Variants in DSCAM observed in about 807,000 individuals in gnomAD.
DSCAM encodes DS cell adhesion molecule, also known as cell adhesion molecule DSCAM.
A neutral mutation model predicts 217.7 loss-of-function variants in DSCAM; 47 were observed. The ratio of observed to expected loss-of-function variants is 0.22; its 90% CI spans 0.17 to 0.28. DSCAM has a LOEUF of 0.28. Among genes scored for constraint, DSCAM ranks in the 10% least tolerant of loss-of-function variants. The pLI, the probability that DSCAM is intolerant of heterozygous loss-of-function variation, is 1.00. For synonymous variants in DSCAM, 1,056 were observed against 1,015.3 expected (o/e 1.04, Z -0.76); for missense variants, 2,080 against 2,618.3 (o/e 0.79, Z 4.49).
At chr21:40,615,840 GAA>G (rs1406166817) in intron 3 of DSCAM, among the ~76,000 whole-genome samples, 2 of 151,924 alleles carry the variant, frequency 1.3e-5, no homozygotes, top group African/African-American at 4.8e-5. Flanking sequence ...ATTAAAAAAA[GAA>G]AAAATATTTT....
intron 3 of DSCAM, among the ~76,000 whole-genome samples, chr21:40,457,001 A>G (rs1281535299): frequency 6.6e-6 from 1 of 152,206 alleles, no homozygotes; most frequent in Non-Finnish European, 1.5e-5. Flanking sequence ...TACTGTAACA[A>G]AAGTCCATAG....
chr21:40,772,646 C>G (rs189317320), intron 1 of DSCAM, among the ~76,000 whole-genome samples: 104 of 152,274 alleles, frequency 6.8e-4, no homozygotes, highest in African/African-American at 2.3e-3. Context: ...TGGTGGCCTC[C>G]CCAGCCAAAT....
At chr21:40,760,953 G>A (rs1306589980) in intron 1 of DSCAM, among the ~76,000 whole-genome samples, 3 of 152,202 alleles carry the variant, frequency 2.0e-5, no homozygotes, top group African/African-American at 7.2e-5. Context: ...TGGAGCTGAT[G>A]CACTTACTTA....
intron 3 of DSCAM, among the ~76,000 whole-genome samples, chr21:40,690,678 C>CT (rs149437023): frequency 0.021 from 3,110 of 151,488 alleles, 97 homozygotes; most frequent in African/African-American, 0.071. Context: ...TACACATTTC[C>CT]TTTTTTTTAT....
chr21:40,044,311 G>A (rs1168294063), intron 30 of DSCAM, 36 bp from the exon 31 acceptor site: 2 of 1,591,476 alleles, frequency 1.3e-6, no homozygotes, highest in Admixed American at 3.5e-5. Context: ...GCCTTTGTCT[G>A]CAGGAGTGTG....
chr21:40,318,132 CAAT>C (rs2074220125), intron 8 of DSCAM, among the ~76,000 whole-genome samples: 1 of 133,148 alleles, frequency 7.5e-6, no homozygotes, highest in Admixed American at 9.4e-5. Flanking sequence ...GGGAATTGAA[CAAT>C]GAGAACACAT....
At chr21:40,497,701 A>G (rs1335714073) in intron 3 of DSCAM, among the ~76,000 whole-genome samples, 1 of 152,240 alleles carries the variant, frequency 6.6e-6, no homozygotes, top group South Asian at 2.1e-4. Flanking sequence ...GTATACATAT[A>G]AGAAAACATC....
At chr21:40,733,081 G>A (rs1486205134) in intron 1 of DSCAM, among the ~76,000 whole-genome samples, 1 of 152,212 alleles carries the variant, frequency 6.6e-6, no homozygotes, top group Non-Finnish European at 1.5e-5. Flanking sequence ...AGAGGCCCCA[G>A]GTATGGCAAA....
intron 15 of DSCAM, among the ~76,000 whole-genome samples, chr21:40,175,266 T>G (rs553598516): frequency 1.3e-5 from 2 of 152,224 alleles, no homozygotes; most frequent in East Asian, 3.9e-4. Flanking sequence ...TGTGCCACAA[T>G]GCATGGCTAA....
chr21:40,162,546 T>C (rs1257839503), intron 16 of DSCAM, among the ~76,000 whole-genome samples: 1 of 152,230 alleles, frequency 6.6e-6, no homozygotes, highest in African/African-American at 2.4e-5. Flanking sequence ...TTTCCTGTTG[T>C]AAGAGCTCAA....
intron 3 of DSCAM, among the ~76,000 whole-genome samples, chr21:40,659,214 T>C (rs1405023127): frequency 1.3e-5 from 2 of 152,200 alleles, no homozygotes; most frequent in African/African-American, 2.4e-5. Context: ...TATGATTTCT[T>C]AGCAAAATAA....
chr21:40,552,313 C>CAA (rs34329483), intron 3 of DSCAM, among the ~76,000 whole-genome samples: 1 of 148,384 alleles, frequency 6.7e-6, no homozygotes, highest in African/African-American at 2.5e-5. Flanking sequence ...CACTTCGTCT[C>CAA]AAAAAAAAAA....
At chr21:40,515,543 G>A (rs1601706780) in intron 3 of DSCAM, among the ~76,000 whole-genome samples, 1 of 152,050 alleles carries the variant, frequency 6.6e-6, no homozygotes, top group Admixed American at 6.6e-5. Context: ...ATCAATTTCA[G>A]AAAAAAATTA....
chr21:40,133,455 T>G (rs2090174371), intron 19 of DSCAM, among the ~76,000 whole-genome samples: 1 of 152,176 alleles, frequency 6.6e-6, no homozygotes, highest in Non-Finnish European at 1.5e-5. Flanking sequence ...TGTACATAAT[T>G]TTCAAGAAGT....
intron 3 of DSCAM, among the ~76,000 whole-genome samples, chr21:40,605,541 T>C (rs1415161273): frequency 2.6e-5 from 4 of 152,178 alleles, no homozygotes; most frequent in Admixed American, 6.6e-5. Context: ...AAGTGTCCTA[T>C]TGTAATATGA....
intron 8 of DSCAM, among the ~76,000 whole-genome samples, chr21:40,326,434 A>G (rs1309128880): frequency 6.6e-6 from 1 of 152,210 alleles, no homozygotes; most frequent in African/African-American, 2.4e-5. Context: ...CTTCAAAGGA[A>G]AGGAGCTGCT....
intron 3 of DSCAM, among the ~76,000 whole-genome samples, chr21:40,414,528 T>C (rs2075352833): frequency 6.6e-6 from 1 of 152,228 alleles, no homozygotes; most frequent in African/African-American, 2.4e-5. Flanking sequence ...ATGCAAAATA[T>C]TAATGAATAA....
chr21:40,838,613 A>G (rs11910515), intron 1 of DSCAM, among the ~76,000 whole-genome samples: 62,928 of 152,148 alleles, frequency 0.41, 14,878 homozygotes, highest in African/African-American at 0.64. Context: ...TGTAAATTTT[A>G]TGTAAAACCA....
chr21:40,080,750 T>C (rs1487458366), intron 24 of DSCAM, among the ~76,000 whole-genome samples: 1 of 152,202 alleles, frequency 6.6e-6, no homozygotes, highest in Non-Finnish European at 1.5e-5. Flanking sequence ...ACATTATCAA[T>C]GGGAGTAGAG....
Sources: allele counts gnomAD v4.1 joint callset (sites outside exome capture counted in the v4.1 genomes callset), GRCh38; gene constraint gnomAD v4.1.1; transcripts MANE v1.5; gene names NCBI Gene and HGNC (gene_info 2026-07-23, HGNC 2026-07-21).